The following ATP8B1 variants were observed in gnomAD, a reference collection of about 807,000 sequenced individuals.
The protein encoded by ATP8B1 is phospholipid-transporting ATPase IC.
A neutral mutation model predicts 149.9 loss-of-function variants in ATP8B1; 80 were observed. The observed-to-expected ratio is 0.53, with a 90% confidence interval of 0.45 to 0.64. The LOEUF (loss-of-function observed/expected upper bound fraction) is 0.64, where lower values mean the gene tolerates loss of function less well. Ranked by LOEUF, ATP8B1 falls within the 30% of genes least tolerant of loss-of-function variation. The pLI, the probability that ATP8B1 is intolerant of heterozygous loss-of-function variation, is 0.00. For synonymous variants in ATP8B1, 536 were observed against 562.8 expected (o/e 0.95, Z 0.67); for missense variants, 1,247 against 1,552.6 (o/e 0.80, Z 3.31).
intron 27 of ATP8B1, among the ~76,000 whole-genome samples, 170 bp from the exon 28 acceptor site, chr18:57,648,882 G>GTGTGTATGTGTA (rs1555687075): frequency 4.5e-5 from 6 of 134,734 alleles, no homozygotes; most frequent in South Asian, 2.4e-4. Flanking sequence ...GTGTGTGTGT[G>GTGTGTATGTGTA]TGTGTATGTG....
At chr18:57,776,214 G>A (rs759674998) in intron 1 of ATP8B1, among the ~76,000 whole-genome samples, 9 of 152,164 alleles carry the variant, frequency 5.9e-5, no homozygotes, top group African/African-American at 1.4e-4. Context: ...GATACTACAC[G>A]TTAAGGAAAC....
rs557361784 is a variant in ATP8B1, at chr18:57,693,959, G to A, written c.1029+623C>T. 2.2e-3 allele frequency among the ~76,000 whole-genome samples: 338 copies of A among 152,082 alleles called. 1 individual carries two copies. Among genetic ancestry groups the A allele is most frequent in the Non-Finnish European group, 4.0e-3 (273 of 68,018 alleles). ...GGTGGGGAGTGGGGGCAGGACGGCC[G>A]ACTTTTGGAAGCTTGTGCCTGGTTT... On this transcript the variant is annotated intron_variant, in intron 11 of 27. Coordinates refer to ENST00000648908, the MANE Select transcript of ATP8B1 (RefSeq NM_001374385.1).
At chr18:57,671,208 C>T (rs1019456047) in intron 17 of ATP8B1, among the ~76,000 whole-genome samples, 1 of 152,180 alleles carries the variant, frequency 6.6e-6, no homozygotes, top group Admixed American at 6.5e-5. Context: ...AGAGCTAAGC[C>T]ATTCCCCTGC....
intron 12 of ATP8B1, among the ~76,000 whole-genome samples, chr18:57,690,740 T>A (rs1160646667): frequency 6.6e-6 from 1 of 152,040 alleles, no homozygotes; most frequent in African/African-American, 2.4e-5. Context: ...TAATTATAGG[T>A]GTGTATGTGA....
chr18:57,741,904 C>T (rs2079917679), intron 1 of ATP8B1, among the ~76,000 whole-genome samples: 2 of 152,204 alleles, frequency 1.3e-5, no homozygotes, highest in South Asian at 4.1e-4. Context: ...GAGTCTCACT[C>T]TGTCACCCAG....
chr18:57,660,386 A>C lies in ATP8B1; in HGVS notation c.2707+788T>G, dbSNP rs116387349. On this transcript the variant is annotated intron_variant, in intron 22 of 27. Transcript: ENST00000648908. Reference sequence around the variant, plus strand: ...GGTGACCCAATGATGAAGTTCCCACAGATTTACCAAAGGTAGGAAGAAAGT... The same window carrying C: ...GGTGACCCAATGATGAAGTTCCCACCGATTTACCAAAGGTAGGAAGAAAGT... Among the ~76,000 whole-genome samples the C allele has an allele frequency of 7.1e-3, 1,086 of 152,346 alleles. 10 individuals are homozygous for C. The highest frequency in any genetic ancestry group is 0.024 in the African/African-American group (1,018 of 41,588).
chr18:57,777,204 T>C (rs958672900), intron 1 of ATP8B1, among the ~76,000 whole-genome samples: 10 of 152,102 alleles, frequency 6.6e-5, no homozygotes, highest in African/African-American at 2.2e-4. Context: ...TCTTGAACTT[T>C]TGGGTTCAAG....
At chr18:57,771,548 C>T (rs1599221224) in intron 1 of ATP8B1, among the ~76,000 whole-genome samples, 2 of 152,186 alleles carry the variant, frequency 1.3e-5, no homozygotes. Context: ...TACATTTGGA[C>T]ATCTGCTCTT....
chr18:57,703,576 C>CA (rs35128451), intron 4 of ATP8B1, among the ~76,000 whole-genome samples: 62,729 of 131,358 alleles, frequency 0.48, 14,705 homozygotes, highest in East Asian at 0.67. Context: ...AACACGGTCT[C>CA]AAAAAAAAAA....
At chr18:57,772,235 G>A (rs1279320446) in intron 1 of ATP8B1, among the ~76,000 whole-genome samples, 6 of 152,160 alleles carry the variant, frequency 3.9e-5, no homozygotes, top group African/African-American at 1.4e-4. Flanking sequence ...GACATTCACT[G>A]TGAGTATTGC....
chr18:57,687,262 CT>C (rs1158265611), intron 13 of ATP8B1, among the ~76,000 whole-genome samples: 2 of 152,214 alleles, frequency 1.3e-5, no homozygotes, highest in African/African-American at 4.8e-5. Flanking sequence ...ACTCCAGCCC[CT>C]GGTAACCATC....
intron 2 of ATP8B1, among the ~76,000 whole-genome samples, chr18:57,724,180 A>C (rs1340366431): frequency 6.7e-6 from 1 of 148,880 alleles, no homozygotes; most frequent in East Asian, 2.0e-4. Context: ...CATTCAGGAC[A>C]TAGGCATGGG....
At chr18:57,668,312 C>T in intron 19 of ATP8B1, 117 bp downstream of exon 19, 1 of 1,330,354 alleles carries the variant, frequency 7.5e-7, no homozygotes, top group South Asian at 1.2e-5. Context: ...CATCTTCCGT[C>T]CAAAGAAACA....
intron 16 of ATP8B1, among the ~76,000 whole-genome samples, chr18:57,672,924 AT>A (rs1568189363): frequency 0.022 from 1,046 of 48,372 alleles, 80 homozygotes; most frequent in Middle Eastern, 0.043. Context: ...ATATATATAT[AT>A]ATATATAACA....
chr18:57,704,609 A>T lies in ATP8B1; in HGVS notation c.339T>A (p.Phe113Leu), dbSNP rs1599135426. 14 of 1,612,152 alleles carry T rather than the reference A, an allele frequency of 8.7e-6. No individual in the cohort carries two copies. Among genetic ancestry groups the T allele is most frequent in the Admixed American group, 1.7e-5 (1 of 60,000 alleles). ...AATTGGCTGCTCTCTTAAACTGCTCAAACAGATTCATTGGTATAAAGGTAA... is the reference window on the plus strand; with the variant it reads ...AATTGGCTGCTCTCTTAAACTGCTCTAACAGATTCATTGGTATAAAGGTAA... ...NAFTFIPMNL[F>L]EQFKRAANLY... The change falls in exon 4 of 28, where the codon TTT (phenylalanine) becomes TTA (leucine). Residue 113 changes from phenylalanine to leucine, a missense_variant. By Grantham distance (22) the Phe-to-Leu change is conservative. This residue lies in a region of ATP8B1 where 853 missense variants were observed against 1,035.7 expected (regional missense o/e 0.82). Coordinates refer to ENST00000648908, the MANE Select transcript of ATP8B1 (RefSeq NM_001374385.1).
At chr18:57,669,286 T>G (rs1568187492) in intron 18 of ATP8B1, 32 bp downstream of exon 18, 2 of 1,567,956 alleles carry the variant, frequency 1.3e-6, no homozygotes, top group African/African-American at 2.7e-5. Flanking sequence ...GCTTAGAATA[T>G]CAAAGAAAAA....
chr18:57,652,166 A>G lies in ATP8B1; in HGVS notation c.3268T>C (p.Leu1090=), dbSNP rs1469490571. The G allele has an allele frequency of 1.2e-6, 2 of 1,614,068 alleles. No individual in the cohort carries two copies. Among genetic ancestry groups the G allele is most frequent in the Admixed American group, 1.7e-5 (1 of 60,000 alleles). The part of the protein sequence containing the change: ...LVITVNFQIG[L]DTSYWTFVNA... ...ACAAAAGTCCAATAAGAAGTATCCA[A>G]GCCAATCTGTTGGGAAACCAGAGAA... The change falls in exon 26 of 28, where the codon TTG becomes CTG. Residue 1090 remains leucine (L), a synonymous_variant. Transcript: ENST00000648908.
chr18:57,703,512 G>A (rs1164368465), intron 4 of ATP8B1, among the ~76,000 whole-genome samples: 1 of 149,630 alleles, frequency 6.7e-6, no homozygotes, highest in Non-Finnish European at 1.5e-5. Context: ...GGAGGAGGAG[G>A]TTGCAGTGAG....
intron 11 of ATP8B1, 55 bp downstream of exon 11, chr18:57,694,527 T>C: frequency 6.0e-6 from 7 of 1,172,524 alleles, no homozygotes; most frequent in Non-Finnish European, 8.9e-6. Context: ...ACGATAATAT[T>C]AGTGCAAAAG....
Sources: gnomAD v4.1 joint callset for allele counts (sites outside exome capture counted in the v4.1 genomes callset) on GRCh38, gnomAD v4.1.1 for gene constraint, gnomAD v4.1.1 regional missense constraint, MANE v1.5 for transcripts, NCBI Gene and HGNC (gene_info 2026-07-23, HGNC 2026-07-21) for gene names.